NOL4: variants seen among roughly 807,000 people sequenced by gnomAD.
NOL4 encodes nucleolar protein 4, also known as cancer/testis antigen 125.
Under a neutral mutation model 75.9 loss-of-function variants are expected in NOL4, and 17 were observed. The observed-to-expected ratio is 0.22, with a 90% confidence interval of 0.15 to 0.34. The LOEUF (loss-of-function observed/expected upper bound fraction) is 0.34. Among genes scored for constraint, NOL4 ranks in the 10% least tolerant of loss-of-function variants. The pLI is 1.00. For synonymous variants in NOL4, 292 were observed against 289.9 expected, an observed-to-expected ratio of 1.01 and a Z score of -0.07; for missense variants, 614 against 793.5, an observed-to-expected ratio of 0.77 and a Z score of 2.72.
At chr18:33,890,423 C>T (rs993697601) in intron 9 of NOL4, among the ~76,000 whole-genome samples, 3 of 152,036 alleles carry the variant, frequency 2.0e-5, no homozygotes, top group Non-Finnish European at 4.4e-5. Context: ...TACGAAGAAT[C>T]AATATCGTGA....
chr18:33,879,859 G>A (rs2064153643), intron 10 of NOL4, among the ~76,000 whole-genome samples: 1 of 151,774 alleles, frequency 6.6e-6, no homozygotes, highest in South Asian at 2.1e-4. Context: ...TTTGTCAGTG[G>A]GTCTTTGAAA....
chr18:33,990,749 C>A (rs1229250354), intron 6 of NOL4, among the ~76,000 whole-genome samples: 1 of 151,890 alleles, frequency 6.6e-6, no homozygotes, highest in African/African-American at 2.4e-5. Context: ...ACCTAGCCCA[C>A]AGTCTTCCTT....
chr18:34,085,652 G>C (rs2078209036), intron 5 of NOL4, among the ~76,000 whole-genome samples: 1 of 152,090 alleles, frequency 6.6e-6, no homozygotes, highest in African/African-American at 2.4e-5. Context: ...GTAAAGTATT[G>C]AAAGGCAGAA....
intron 10 of NOL4, among the ~76,000 whole-genome samples, chr18:33,875,255 A>T (rs899455168): frequency 1.3e-5 from 2 of 152,036 alleles, no homozygotes; most frequent in African/African-American, 4.8e-5. Context: ...CCAAAGTCCT[A>T]TGTAAATGGT....
chr18:33,986,445 C>T (rs954776117), intron 6 of NOL4, among the ~76,000 whole-genome samples: 4 of 152,094 alleles, frequency 2.6e-5, no homozygotes, highest in Non-Finnish European at 5.9e-5. Context: ...AGTGTGGATA[C>T]ACTGGACAAA....
At chr18:34,137,809 C>CAT (rs58700786) in intron 1 of NOL4, among the ~76,000 whole-genome samples, 20 of 150,632 alleles carry the variant, frequency 1.3e-4, no homozygotes, top group African/African-American at 3.9e-4. Flanking sequence ...CACACACACA[C>CAT]GCACGCACAC....
chr18:34,063,190 T>G (rs1447047360), intron 5 of NOL4, among the ~76,000 whole-genome samples: 1 of 152,034 alleles, frequency 6.6e-6, no homozygotes, highest in Non-Finnish European at 1.5e-5. Context: ...TCTCTTGACT[T>G]GATCCAACAG....
intron 2 of NOL4, among the ~76,000 whole-genome samples, chr18:34,127,141 G>A (rs1418863349): frequency 6.6e-6 from 1 of 151,770 alleles, no homozygotes; most frequent in Non-Finnish European, 1.5e-5. Flanking sequence ...TTTATCTAAA[G>A]TCAAATCAGA....
intron 5 of NOL4, among the ~76,000 whole-genome samples, chr18:34,052,328 T>C (rs989713398): frequency 2.0e-5 from 3 of 152,050 alleles, no homozygotes; most frequent in East Asian, 1.9e-4. Context: ...TTTGACACCA[T>C]TGTCTTTTTT....
At chr18:34,076,271 T>C (rs1225729952) in intron 5 of NOL4, among the ~76,000 whole-genome samples, 2 of 152,138 alleles carry the variant, frequency 1.3e-5, no homozygotes, top group African/African-American at 4.8e-5. Context: ...GCCTCTACTT[T>C]CTCCATGGTT....
At chr18:34,005,874 C>T (rs2074002317) in intron 6 of NOL4, among the ~76,000 whole-genome samples, 1 of 152,060 alleles carries the variant, frequency 6.6e-6, no homozygotes. Context: ...GATAACCTTG[C>T]TGCCTGCTGC....
At chr18:34,147,828 T>C (rs919116398) in intron 1 of NOL4, among the ~76,000 whole-genome samples, 10 of 152,162 alleles carry the variant, frequency 6.6e-5, no homozygotes, top group Non-Finnish European at 4.4e-5. Flanking sequence ...AGAATTTGGC[T>C]GTGAATCCAT....
chr18:33,898,648 T>C (rs1414661782), intron 9 of NOL4, among the ~76,000 whole-genome samples: 3 of 152,190 alleles, frequency 2.0e-5, no homozygotes, highest in Admixed American at 6.6e-5. Context: ...TTATTGTCAA[T>C]GCGTAACTTC....
At chr18:34,118,690 T>C (rs970472192) in intron 2 of NOL4, among the ~76,000 whole-genome samples, 1 of 152,216 alleles carries the variant, frequency 6.6e-6, no homozygotes, top group Non-Finnish European at 1.5e-5. Flanking sequence ...AAGTGGAATA[T>C]AATGTGATAA....
At chr18:34,016,167 C>G (rs986308956) in intron 6 of NOL4, among the ~76,000 whole-genome samples, 1 of 151,992 alleles carries the variant, frequency 6.6e-6, no homozygotes, top group Non-Finnish European at 1.5e-5. Context: ...AATACAATGT[C>G]AAAAGAACAA....
intron 1 of NOL4, among the ~76,000 whole-genome samples, chr18:34,219,851 A>G (rs1433585624): frequency 6.6e-6 from 1 of 152,236 alleles, no homozygotes; most frequent in Non-Finnish European, 1.5e-5. Context: ...CCCACACCAG[A>G]CCTAAAATGG....
intron 6 of NOL4, among the ~76,000 whole-genome samples, chr18:33,981,873 A>T (rs1418504725): frequency 1.3e-5 from 2 of 152,114 alleles, no homozygotes; most frequent in African/African-American, 4.8e-5. Context: ...TTATCTATAA[A>T]TGAAATGTGT....
chr18:34,048,496 T>A, intron 5 of NOL4: 1 of 985,476 alleles, frequency 1.0e-6, no homozygotes, highest in African/African-American at 1.7e-5. Context: ...ATTCTATCAT[T>A]GCAGATCCAG....
intron 1 of NOL4, among the ~76,000 whole-genome samples, chr18:34,175,078 CACATGCACTTT>C (rs1568420582): frequency 6.6e-6 from 1 of 152,188 alleles, no homozygotes; most frequent in Non-Finnish European, 1.5e-5. Context: ...CTGTAAAGAA[CACATGCACTTT>C]ACATGTTTTT....
Sources: allele counts gnomAD v4.1 joint callset (sites outside exome capture counted in the v4.1 genomes callset), GRCh38; gene constraint gnomAD v4.1.1; transcripts MANE v1.5; gene names NCBI Gene and HGNC (gene_info 2026-07-23, HGNC 2026-07-21).